AGTPBP1: variants seen among roughly 807,000 people sequenced by gnomAD.
AGTPBP1 encodes the protein cytosolic carboxypeptidase 1.
AGTPBP1 carries 70 observed loss-of-function variants against 143.9 expected under a neutral mutation model. The observed-to-expected ratio is 0.49, with a 90% CI of 0.40 to 0.59. The LOEUF is 0.59. AGTPBP1 is among the 20% of genes least tolerant of loss of function. The pLI is 0.00. For synonymous variants in AGTPBP1, 463 were observed against 500.2 expected (o/e 0.93, Z 0.99); for missense variants, 1,229 against 1,464.5 (o/e 0.84, Z 2.62).
intron 25 of AGTPBP1, among the ~76,000 whole-genome samples, chr9:85,557,987 C>G (rs191854584): frequency 1.2e-4 from 18 of 152,212 alleles, no homozygotes; most frequent in East Asian, 3.9e-4. Flanking sequence ...GTTCCCTATA[C>G]CTTATTCGAA....
chr9:85,753,000 A>G, the AGTPBP1 span, among the ~76,000 whole-genome samples: 1 of 152,178 alleles, frequency 6.6e-6, no homozygotes, highest in African/African-American at 2.4e-5. Context: ...AGGTTACAGA[A>G]TGAGACCCTA....
chr9:85,736,467 A>AGTCTATAT (rs1161051495), intron 1 of AGTPBP1, among the ~76,000 whole-genome samples: 5 of 152,186 alleles, frequency 3.3e-5, no homozygotes, highest in Admixed American at 2.6e-4. Context: ...AGTATATATT[A>AGTCTATAT]TCAATTACAG....
chr9:85,655,708 C>T (rs897578707), intron 10 of AGTPBP1, among the ~76,000 whole-genome samples: 6 of 151,520 alleles, frequency 4.0e-5, no homozygotes, highest in Admixed American at 6.6e-5. Context: ...AAAAAAAACA[C>T]GCATTTGACC....
At chr9:85,779,981 A>T in the AGTPBP1 span, among the ~76,000 whole-genome samples, 1 of 152,366 alleles carries the variant, frequency 6.6e-6, no homozygotes, top group African/African-American at 2.4e-5. Context: ...TTTATATGAC[A>T]TACTTTATGG....
At chr9:85,690,084 C>T (rs903077469) in intron 3 of AGTPBP1, among the ~76,000 whole-genome samples, 5 of 151,708 alleles carry the variant, frequency 3.3e-5, no homozygotes, top group African/African-American at 1.2e-4. Flanking sequence ...ACCCTCTCCC[C>T]GTGCCTTCAA....
chr9:85,781,843 T>C, the AGTPBP1 span, among the ~76,000 whole-genome samples: 1 of 152,146 alleles, frequency 6.6e-6, no homozygotes, highest in African/African-American at 2.4e-5. Context: ...TAATCATATG[T>C]AGATATGTAG....
chr9:85,605,295 C>T (rs1452769205), intron 17 of AGTPBP1, among the ~76,000 whole-genome samples: 2 of 152,084 alleles, frequency 1.3e-5, no homozygotes, highest in South Asian at 2.1e-4. Flanking sequence ...TAGCAGACTT[C>T]TCAGTAGAAA....
the AGTPBP1 span, among the ~76,000 whole-genome samples, chr9:85,777,614 T>C: frequency 6.6e-6 from 1 of 152,216 alleles, no homozygotes; most frequent in Non-Finnish European, 1.5e-5. Context: ...ATTAAAATCC[T>C]CCTCTGCTGA....
chr9:85,680,233 T>G (rs1225522723), intron 4 of AGTPBP1, among the ~76,000 whole-genome samples: 1 of 152,222 alleles, frequency 6.6e-6, no homozygotes, highest in African/African-American at 2.4e-5. Context: ...TTTATCTTCA[T>G]TCTCAGAAAT....
At chr9:85,584,641 T>C (rs910498135) in intron 23 of AGTPBP1, among the ~76,000 whole-genome samples, 1 of 152,178 alleles carries the variant, frequency 6.6e-6, no homozygotes, top group Non-Finnish European at 1.5e-5. Flanking sequence ...TAATCCTTTG[T>C]AGAAGAATCT....
intron 7 of AGTPBP1, among the ~76,000 whole-genome samples, chr9:85,671,092 TCAC>T (rs1158096171): frequency 6.6e-6 from 1 of 151,074 alleles, no homozygotes; most frequent in Non-Finnish European, 1.5e-5. Context: ...CAGGCACACA[TCAC>T]CACAACTAGC....
At chr9:85,800,783 A>C in the AGTPBP1 span, among the ~76,000 whole-genome samples, 1 of 150,596 alleles carries the variant, frequency 6.6e-6, no homozygotes, top group Admixed American at 6.6e-5. Flanking sequence ...TAATGCTTAT[A>C]TGTACTTGCA....
chr9:85,638,765 AAAT>A (rs1587801026), intron 13 of AGTPBP1, among the ~76,000 whole-genome samples: 3 of 152,180 alleles, frequency 2.0e-5, no homozygotes, highest in South Asian at 2.1e-4. Context: ...TATATACAAT[AAAT>A]AATAACCCTC....
chr9:85,742,952 G>A (rs1008124991), upstream of AGTPBP1, among the ~76,000 whole-genome samples: 2 of 152,096 alleles, frequency 1.3e-5, no homozygotes, highest in African/African-American at 4.8e-5. Context: ...AGGTGTGAAA[G>A]CAATTCAAAA....
At chr9:85,605,816 T>C (rs1447889540) in intron 17 of AGTPBP1, among the ~76,000 whole-genome samples, 3 of 152,068 alleles carry the variant, frequency 2.0e-5, no homozygotes, top group Admixed American at 2.0e-4. Context: ...GTTTTTACAA[T>C]CCATGTTGTC....
intron 1 of AGTPBP1, among the ~76,000 whole-genome samples, chr9:85,734,386 G>T (rs996826964): frequency 6.6e-6 from 1 of 151,364 alleles, no homozygotes; most frequent in East Asian, 1.9e-4. Context: ...AAGAAGGAAC[G>T]CTTCCTACCT....
the AGTPBP1 span, among the ~76,000 whole-genome samples, chr9:85,758,520 C>T: frequency 5.9e-5 from 9 of 152,062 alleles, no homozygotes; most frequent in African/African-American, 2.2e-4. Flanking sequence ...TTGTGGGCAC[C>T]TGTAATCCCA....
At chr9:85,557,841 A>G (rs1272467557) in intron 25 of AGTPBP1, among the ~76,000 whole-genome samples, 2 of 152,188 alleles carry the variant, frequency 1.3e-5, no homozygotes, top group African/African-American at 4.8e-5. Context: ...AGTGTTTGCT[A>G]ACGGTCTATA....
intron 1 of AGTPBP1, among the ~76,000 whole-genome samples, chr9:85,719,785 T>C (rs1172103303): frequency 6.6e-6 from 1 of 152,180 alleles, no homozygotes. Flanking sequence ...CAGTATGATA[T>C]TGGCTGTGGG....
Sources: allele counts gnomAD v4.1 joint callset (sites outside exome capture counted in the v4.1 genomes callset), GRCh38; gene constraint gnomAD v4.1.1; transcripts MANE v1.5; gene names NCBI Gene and HGNC (gene_info 2026-07-23, HGNC 2026-07-21).